Variants in ABCC4 observed in about 807,000 individuals in gnomAD.
The protein encoded by ABCC4 is ATP binding cassette subfamily C member 4 (PEL blood group), also known as ATP-binding cassette sub-family C member 4.
ABCC4 carries 102 observed loss-of-function variants against 168.5 expected under a neutral mutation model. That is an observed-to-expected ratio of 0.61 (90% CI 0.52 to 0.71). ABCC4 has a LOEUF of 0.71. ABCC4 is among the 30% of genes least tolerant of loss of function. The pLI is 0.00. For missense variants in ABCC4, 1,402 were observed against 1,605.8 expected (o/e 0.87, Z 2.17); for synonymous variants, 617 against 590.7 (o/e 1.04, Z -0.65).
intron 11 of ABCC4, among the ~76,000 whole-genome samples, chr13:95,178,763 A>G (rs2037795991): frequency 6.6e-6 from 1 of 152,172 alleles, no homozygotes; most frequent in African/African-American, 2.4e-5. Context: ...ACACCCAGGG[A>G]AATAGGAGGA....
In ABCC4 at chr13:95,210,021, G is replaced by A. The variant is rs111229988; in HGVS notation, c.622-424C>T. ...CCCAGACAGGCAGTGAGCTTCTTCA[G>A]AACAGAAACCAAGTCTTATTCATTG... On this transcript the variant is annotated intron_variant, in intron 5 of 30. Coordinates refer to ENST00000645237, the MANE Select transcript of ABCC4 (RefSeq NM_005845.5). Among the ~76,000 whole-genome samples the A allele has an allele frequency of 2.0e-3, 300 of 152,334 alleles. 2 individuals carry two copies. Among genetic ancestry groups the A allele is most frequent in the African/African-American group, 6.8e-3 (284 of 41,560 alleles).
intron 20 of ABCC4, among the ~76,000 whole-genome samples, chr13:95,088,343 T>C (rs774764960): frequency 3.9e-5 from 6 of 152,172 alleles, no homozygotes; most frequent in Non-Finnish European, 5.9e-5. Flanking sequence ...ATAACTGATA[T>C]AACAAGCACA....
At chr13:95,241,354 A>T (rs527647661) in intron 3 of ABCC4, among the ~76,000 whole-genome samples, 6 of 122,702 alleles carry the variant, frequency 4.9e-5, no homozygotes, top group Non-Finnish European at 1.0e-4. Context: ...ACAGAATGAG[A>T]CTCCATCTCA....
intron 30 of ABCC4, among the ~76,000 whole-genome samples, chr13:95,023,359 C>T (rs1335098265): frequency 6.6e-6 from 1 of 152,144 alleles, no homozygotes; most frequent in Non-Finnish European, 1.5e-5. Context: ...TCTTCTGCTA[C>T]CAGGTTTTAT....
intron 26 of ABCC4, among the ~76,000 whole-genome samples, chr13:95,056,194 C>T (rs978575590): frequency 1.2e-4 from 19 of 152,262 alleles, no homozygotes; most frequent in African/African-American, 4.3e-4. Context: ...CAGGAAACTT[C>T]GCTCTCTTAA....
intron 1 of ABCC4, chr13:95,269,267 C>G: frequency 2.3e-6 from 1 of 438,304 alleles, no homozygotes; most frequent in Non-Finnish European, 4.5e-6. Context: ...CTAAATCTTC[C>G]AAATACAGAG....
At chr13:95,139,257 A>G (rs528398211) in intron 19 of ABCC4, among the ~76,000 whole-genome samples, 1 of 152,388 alleles carries the variant, frequency 6.6e-6, no homozygotes, top group African/African-American at 2.4e-5. Context: ...TGATGGGAAC[A>G]TCATTATGAG....
chr13:95,189,834 C>A (rs1251588490), intron 9 of ABCC4, among the ~76,000 whole-genome samples: 1 of 152,122 alleles, frequency 6.6e-6, no homozygotes, highest in Non-Finnish European at 1.5e-5. Context: ...AAAATAGGGA[C>A]AGCATAGTAG....
intron 26 of ABCC4, among the ~76,000 whole-genome samples, chr13:95,061,280 C>T (rs1278548343): frequency 6.6e-6 from 1 of 152,142 alleles, no homozygotes; most frequent in African/African-American, 2.4e-5. Context: ...TTTGAGGAAT[C>T]TCTACAGTGT....
chr13:95,240,395 G>A (rs962560648), intron 3 of ABCC4, among the ~76,000 whole-genome samples: 24 of 151,948 alleles, frequency 1.6e-4, no homozygotes, highest in African/African-American at 5.3e-4. Context: ...CCCGGGCATG[G>A]TGGCAGATGC....
At chr13:95,131,800 A>C (rs964850371) in intron 19 of ABCC4, among the ~76,000 whole-genome samples, 1 of 152,114 alleles carries the variant, frequency 6.6e-6, no homozygotes, top group Non-Finnish European at 1.5e-5. Context: ...GAAAATACCA[A>C]GTGTTGGCAG....
At chr13:95,175,377 A>G (rs1340085117) in intron 13 of ABCC4, among the ~76,000 whole-genome samples, 3 of 152,116 alleles carry the variant, frequency 2.0e-5, no homozygotes, top group Non-Finnish European at 2.9e-5. Flanking sequence ...CAATGGCGCT[A>G]TCTCGGCTCA....
intron 26 of ABCC4, among the ~76,000 whole-genome samples, chr13:95,059,512 G>C (rs2033206105): frequency 6.6e-6 from 1 of 152,188 alleles, no homozygotes; most frequent in African/African-American, 2.4e-5. Flanking sequence ...GCATTAGAGG[G>C]GTACTGAGAG....
intron 27 of ABCC4, among the ~76,000 whole-genome samples, chr13:95,051,643 T>A (rs1317821762): frequency 6.6e-6 from 1 of 152,084 alleles, no homozygotes; most frequent in African/African-American, 2.4e-5. Flanking sequence ...ACTTATTAAA[T>A]GCTTACTTTT....
chr13:95,286,123 C>CTTTTTTTTTTTTTTTTTTT lies in ABCC4; in HGVS notation c.74+15117_74+15118insAAAAAAAAAAAAAAAAAAA, dbSNP rs773328777. ...GCTGTGAAACTGCTTTCCAGAAAAA[C>CTTTTTTTTTTTTTTTTTTT]TTTTTTTTTTTTTTGAGACGGAGTC... On this transcript the variant is annotated intron_variant, in intron 1 of 30. Transcript: ENST00000645237. Among the ~76,000 whole-genome samples, 109 of 105,546 alleles carry CTTTTTTTTTTTTTTTTTTT rather than the reference C, an allele frequency of 1.0e-3. 9 individuals are homozygous for CTTTTTTTTTTTTTTTTTTT. Among genetic ancestry groups the CTTTTTTTTTTTTTTTTTTT allele is most frequent in the Middle Eastern group, 8.8e-3 (1 of 114 alleles). The allele number at this position is 105,546 out of a possible 152,430, so 69.2% of individuals were successfully genotyped here. A position where few individuals can be genotyped will look rare whatever the true frequency, so the allele number is the denominator to read the frequency against.
chr13:95,208,730 C>T (rs2004873), intron 6 of ABCC4, among the ~76,000 whole-genome samples: 30,295 of 148,220 alleles, frequency 0.2, 3,223 homozygotes, highest in Admixed American at 0.28. Flanking sequence ...AAGTGATTCT[C>T]GTGCCTGAGC....
chr13:95,152,280 C>A (rs1036985836), intron 19 of ABCC4, among the ~76,000 whole-genome samples: 1 of 152,170 alleles, frequency 6.6e-6, no homozygotes, highest in African/African-American at 2.4e-5. Flanking sequence ...AATATAAGTA[C>A]CAGCTGTAAG....
chr13:95,032,431 T>C (rs924909123), intron 30 of ABCC4, among the ~76,000 whole-genome samples: 3 of 152,214 alleles, frequency 2.0e-5, no homozygotes, highest in African/African-American at 7.2e-5. Flanking sequence ...ACTAGGGGCA[T>C]GTTTAATGTA....
intron 1 of ABCC4, among the ~76,000 whole-genome samples, chr13:95,271,689 C>T (rs904490158): frequency 2.0e-5 from 3 of 152,160 alleles, no homozygotes; most frequent in Non-Finnish European, 4.4e-5. Context: ...CTTCTTGGTT[C>T]CTTAGCTTTA....
Sources: gnomAD v4.1 joint callset for allele counts (sites outside exome capture counted in the v4.1 genomes callset) on GRCh38, gnomAD v4.1.1 for gene constraint, MANE v1.5 for transcripts, NCBI Gene and HGNC (gene_info 2026-07-23, HGNC 2026-07-21) for gene names.